Variants in EEFSEC observed in about 807,000 individuals in gnomAD.
The protein encoded by EEFSEC is eukaryotic elongation factor, selenocysteine-tRNA specific, also known as selenocysteine-specific elongation factor.
In EEFSEC, 43 loss-of-function variants were observed where a neutral mutation model predicts 42.1. The ratio of observed to expected loss-of-function variants is 1.02; its 90% CI spans 0.80 to 1.32. The LOEUF (loss-of-function observed/expected upper bound fraction) is 1.32, where lower values mean the gene tolerates loss of function less well. Ranked by LOEUF, EEFSEC falls within the 40% of genes most tolerant of loss-of-function variation. The pLI, the probability that EEFSEC is intolerant of heterozygous loss-of-function variation, is 0.00. For missense variants in EEFSEC, 745 were observed against 803.6 expected (o/e 0.93, Z 0.88); for synonymous variants, 354 against 339.1 (o/e 1.04, Z -0.48).
At chr3:128,409,073 G>A (rs1459320524), downstream of EEFSEC, among the ~76,000 whole-genome samples, 3 of 152,188 alleles carry the variant, frequency 2.0e-5, no homozygotes, top group Admixed American at 6.5e-5. Flanking sequence ...AGAGCCATCT[G>A]CCATCCCCTG....
chr3:128,300,652 A>G (rs1231682787), intron 4 of EEFSEC, among the ~76,000 whole-genome samples: 2 of 152,156 alleles, frequency 1.3e-5, no homozygotes, highest in East Asian at 3.8e-4. Context: ...GGCTTCTACA[A>G]TAAATTACCA....
At position 128,276,600 on chromosome 3, in the gene EEFSEC, A is replaced by G. The variant is rs144525560; in HGVS notation, c.786+11819A>G. Among the ~76,000 whole-genome samples, 88 of 152,316 alleles carry G rather than the reference A, an allele frequency of 5.8e-4. No individual in the cohort carries two copies. The East Asian group carries it at 0.016, about 27-fold the overall frequency. ...TTTTACATCAGTGTCCAACATATTC[A>G]TTCAGCGCATAGTCTTGAGCACCTA... On this transcript the variant is annotated intron_variant, in intron 4 of 6. Coordinates refer to ENST00000254730, the MANE Select transcript of EEFSEC (RefSeq NM_021937.5).
intron 6 of EEFSEC, among the ~76,000 whole-genome samples, chr3:128,369,047 G>A (rs76552187): frequency 0.043 from 6,497 of 152,268 alleles, 462 homozygotes; most frequent in African/African-American, 0.15. Context: ...TTAATGTGCC[G>A]TCTCTTCCTC....
At chr3:128,222,164 G>C (rs531657614) in intron 1 of EEFSEC, among the ~76,000 whole-genome samples, 1 of 151,350 alleles carries the variant, frequency 6.6e-6, no homozygotes, top group Non-Finnish European at 1.5e-5. Context: ...CTCCCCAGTA[G>C]CTGGGATTAC....
intron 4 of EEFSEC, among the ~76,000 whole-genome samples, chr3:128,327,492 G>T (rs1297575668): frequency 6.6e-6 from 1 of 152,202 alleles, no homozygotes; most frequent in Non-Finnish European, 1.5e-5. Flanking sequence ...GAGGACAAGG[G>T]CCATGGCTTC....
At chr3:128,398,226 G>A (rs1376734785) in intron 6 of EEFSEC, among the ~76,000 whole-genome samples, 5 of 152,212 alleles carry the variant, frequency 3.3e-5, no homozygotes, top group Non-Finnish European at 4.4e-5. Context: ...GGGGAAGGCT[G>A]GGCAGGCGTC....
intron 1 of EEFSEC, among the ~76,000 whole-genome samples, chr3:128,174,150 A>G (rs531403208): frequency 6.6e-6 from 1 of 152,256 alleles, no homozygotes; most frequent in Non-Finnish European, 1.5e-5. Flanking sequence ...CTGCTCTCTG[A>G]CTGCCATGGC....
Position 128,400,414 on chromosome 3 carries a change from C to T in EEFSEC, c.1601-7655C>T, listed in dbSNP as rs1441241372. Among the ~76,000 whole-genome samples the T allele has an allele frequency of 2.0e-5, 3 of 152,260 alleles. No homozygotes were observed. The East Asian group carries it at 5.8e-4, about 29-fold the overall frequency. ...TGGCTGAATCCAAGGCCCTCTGTGGCTGTCCAGCCTGGCCATCCCATATAT... is the reference window on the plus strand; with the variant it reads ...TGGCTGAATCCAAGGCCCTCTGTGGTTGTCCAGCCTGGCCATCCCATATAT... On this transcript the variant is annotated intron_variant, in intron 6 of 6. Coordinates refer to ENST00000254730, the MANE Select transcript of EEFSEC (RefSeq NM_021937.5).
chr3:128,186,349 A>G (rs890181268), intron 1 of EEFSEC, among the ~76,000 whole-genome samples: 6 of 152,158 alleles, frequency 3.9e-5, no homozygotes, highest in African/African-American at 1.2e-4. Flanking sequence ...ATGATTTGCA[A>G]ATATTTTCTC....
rs577151484 is a variant in EEFSEC, at chr3:128,227,318, C to T, written c.317-19518C>T. On this transcript the variant is annotated intron_variant, in intron 1 of 6. Coordinates refer to ENST00000254730, the MANE Select transcript of EEFSEC (RefSeq NM_021937.5). ...TGACAGATTCCTCCCCCTACCCCCCCACTCCGTTCTTTTTTTGGTCTCCTG... is the reference window on the plus strand; with the variant it reads ...TGACAGATTCCTCCCCCTACCCCCCTACTCCGTTCTTTTTTTGGTCTCCTG... 8.5e-5 allele frequency among the ~76,000 whole-genome samples: 13 copies of T among 152,146 alleles called. No homozygotes were observed. The East Asian group carries it at 1.9e-3, about 23-fold the overall frequency.
At chr3:128,229,946 G>C (rs2065943294) in intron 1 of EEFSEC, among the ~76,000 whole-genome samples, 1 of 152,026 alleles carries the variant, frequency 6.6e-6, no homozygotes, top group African/African-American at 2.4e-5. Context: ...CAGCCCTGGA[G>C]GGTTTCCTTT....
rs556163558 is a variant in EEFSEC, at chr3:128,407,759, G to A, written c.1601-310G>A. Among the ~76,000 whole-genome samples, 549 of 152,278 alleles carry A rather than the reference G, an allele frequency of 3.6e-3. 2 individuals are homozygous for A. The highest frequency in any genetic ancestry group is 5.9e-3 in the Non-Finnish European group (402 of 68,010). On this transcript the variant is annotated intron_variant, in intron 6 of 6. Coordinates refer to ENST00000254730, the MANE Select transcript of EEFSEC (RefSeq NM_021937.5). ...CCCCACCCAGGGAGCCTCAGATGCC[G>A]AGTTTCCAGACGTGGACTTGGCATG...
chr3:128,307,178 C>T (rs558854511), intron 4 of EEFSEC, among the ~76,000 whole-genome samples: 37 of 152,380 alleles, frequency 2.4e-4, no homozygotes, highest in African/African-American at 8.9e-4. Flanking sequence ...CCTCTCCAAG[C>T]TTTTCCCAAG....
chr3:128,242,323 T>A (rs2066080644), intron 1 of EEFSEC, among the ~76,000 whole-genome samples: 2 of 151,926 alleles, frequency 1.3e-5, no homozygotes, highest in Admixed American at 6.6e-5. Flanking sequence ...CCTCTAAAAT[T>A]AAAAAAATAA....
chr3:128,202,060 C>A (rs181181667), intron 1 of EEFSEC, among the ~76,000 whole-genome samples: 1 of 152,154 alleles, frequency 6.6e-6, no homozygotes, highest in African/African-American at 2.4e-5. Flanking sequence ...TCTGTCTTCA[C>A]ACCAATATCG....
intron 6 of EEFSEC, among the ~76,000 whole-genome samples, chr3:128,390,756 C>T (rs2067902791): frequency 3.9e-5 from 6 of 152,198 alleles, no homozygotes. Flanking sequence ...CAGGAGACCC[C>T]ACTTTCTGCA....
chr3:128,414,415 G>A, the EEFSEC span, among the ~76,000 whole-genome samples: 2 of 152,206 alleles, frequency 1.3e-5, no homozygotes, highest in East Asian at 3.9e-4. Flanking sequence ...CCTTGAGCTG[G>A]GGGTAGAGAA....
chr3:128,383,145 C>T (rs1201913984), intron 6 of EEFSEC, among the ~76,000 whole-genome samples: 1 of 152,224 alleles, frequency 6.6e-6, no homozygotes, highest in African/African-American at 2.4e-5. Context: ...ACCCCCAAAC[C>T]CAGCACCATC....
chr3:128,269,571 C>G (rs749407599), intron 4 of EEFSEC, among the ~76,000 whole-genome samples: 1 of 152,200 alleles, frequency 6.6e-6, no homozygotes, highest in African/African-American at 2.4e-5. Flanking sequence ...CTTGAACTCC[C>G]TTGGAGGCAG....
Sources: gnomAD v4.1 joint callset for allele counts (sites outside exome capture counted in the v4.1 genomes callset) on GRCh38, gnomAD v4.1.1 for gene constraint, MANE v1.5 for transcripts, NCBI Gene and HGNC (gene_info 2026-07-23, HGNC 2026-07-21) for gene names.